Variants in VMA22 observed in about 807,000 individuals in gnomAD.
The protein encoded by VMA22 is vacuolar ATPase assembly protein VMA22.
At chr2:130,342,367 T>G in the VMA22 span, 1 of 689,908 alleles carries the variant, frequency 1.4e-6, no homozygotes, top group African/African-American at 1.8e-5. Flanking sequence ...CCTGCTGAAC[T>G]GTCGGCTAGG....
chr2:130,338,577 C>T, the VMA22 span: 1 of 152,270 alleles, frequency 6.6e-6, no homozygotes, highest in Non-Finnish European at 1.5e-5. Flanking sequence ...TAGGCCTCTT[C>T]CTAGAGTTCC....
the VMA22 span, chr2:130,342,447 GAA>G: frequency 9.0e-6 from 5 of 552,788 alleles, no homozygotes; most frequent in Admixed American, 1.6e-4. Flanking sequence ...TGTGGCGATG[GAA>G]GAAGGCGAAG....
the VMA22 span, chr2:130,339,643 C>T: frequency 1.5e-6 from 2 of 1,305,050 alleles, no homozygotes; most frequent in African/African-American, 1.5e-5. Context: ...TCTGCTGGAA[C>T]AGCTGCTGCC....
At chr2:130,342,316 C>G in the VMA22 span, 1 of 1,066,426 alleles carries the variant, frequency 9.4e-7, no homozygotes, top group Non-Finnish European at 1.3e-6. Flanking sequence ...ACGGAAGCAA[C>G]CAATCAACTG....
the VMA22 span, chr2:130,342,398 C>T: frequency 2.4e-5 from 14 of 580,282 alleles, no homozygotes; most frequent in East Asian, 3.4e-4. Context: ...GTTCTGAGTC[C>T]TTCCGGAAGC....
At chr2:130,341,874 G>C in the VMA22 span, 1 of 1,613,096 alleles carries the variant, frequency 6.2e-7, no homozygotes, top group Non-Finnish European at 8.5e-7. Context: ...CTCCATGTGG[G>C]AAGCATACTG....
the VMA22 span, chr2:130,342,238 C>A: frequency 2.6e-6 from 4 of 1,547,324 alleles, no homozygotes; most frequent in Non-Finnish European, 3.5e-6. Flanking sequence ...ATCTGGGGAT[C>A]CCCACGCCGG....
At chr2:130,342,278 T>C in the VMA22 span, 1 of 1,461,092 alleles carries the variant, frequency 6.8e-7, no homozygotes, top group East Asian at 2.5e-5. Context: ...TCAGCTTCTT[T>C]AAGGGCAAGC....
chr2:130,341,135 T>G, the VMA22 span: 4 of 1,391,762 alleles, frequency 2.9e-6, no homozygotes, highest in South Asian at 6.0e-5. Context: ...CATGATTCTA[T>G]AAAACACTGT....
the VMA22 span, chr2:130,342,405 A>G: frequency 1.7e-6 from 1 of 572,158 alleles, no homozygotes; most frequent in Non-Finnish European, 3.1e-6. Flanking sequence ...GTCCTTCCGG[A>G]AGCTGCCGAA....
At chr2:130,339,744 TTCTTGGCC>T in the VMA22 span, 1 of 1,304,188 alleles carries the variant, frequency 7.7e-7, no homozygotes, top group South Asian at 1.2e-5. Context: ...ACACTTTCTC[TTCTTGGCC>T]TCCAGGACAC....
At chr2:130,339,094 C>A in the VMA22 span, 2 of 1,561,938 alleles carry the variant, frequency 1.3e-6, no homozygotes, top group Non-Finnish European at 1.8e-6. Flanking sequence ...CAGCTGTGCT[C>A]GCTGCCCTGC....
At chr2:130,339,050 A>G in the VMA22 span, 1 of 1,171,368 alleles carries the variant, frequency 8.5e-7, no homozygotes, top group Non-Finnish European at 1.3e-6. Context: ...TTGTGAAGGA[A>G]GAAGGCCTGA....
At chr2:130,342,203 A>G in the VMA22 span, 2 of 1,572,490 alleles carry the variant, frequency 1.3e-6, no homozygotes, top group South Asian at 1.2e-5. Context: ...TAGGCACACG[A>G]GATCCTCCAT....
At chr2:130,341,920 G>C in the VMA22 span, 4 of 1,613,424 alleles carry the variant, frequency 2.5e-6, no homozygotes, top group East Asian at 8.9e-5. Flanking sequence ...ATCGCGTAGC[G>C]AGCCTTGGCG....
chr2:130,340,570 C>T, the VMA22 span: 1 of 351,974 alleles, frequency 2.8e-6, no homozygotes. Context: ...CACTCCTGTC[C>T]CACTCCATTA....
the VMA22 span, chr2:130,341,080 C>T: frequency 6.5e-7 from 1 of 1,536,678 alleles, no homozygotes; most frequent in Non-Finnish European, 8.7e-7. Context: ...ATCTTACTCC[C>T]TGACCTTTAT....
At chr2:130,342,346 A>C in the VMA22 span, 39 of 791,144 alleles carry the variant, frequency 4.9e-5, no homozygotes, top group South Asian at 6.8e-4. Context: ...ATTAGCCCCC[A>C]AGTGGATCAG....
At chr2:130,340,549 C>T in the VMA22 span, 1 of 297,220 alleles carries the variant, frequency 3.4e-6, no homozygotes. Context: ...TCAGAGAGAC[C>T]TCCCCTGGCC....
Sources: allele counts gnomAD v4.1 joint callset, GRCh38; gene constraint gnomAD v4.1.1; transcripts MANE v1.5; gene names NCBI Gene and HGNC (gene_info 2026-07-23, HGNC 2026-07-21).